Variants in CFAP92 observed in about 807,000 individuals in gnomAD.
CFAP92 encodes cilia and flagella associated protein 92 (putative), also known as uncharacterized protein CFAP92.
CFAP92 carries 86 observed loss-of-function variants against 106.3 expected under a neutral mutation model. The ratio of observed to expected loss-of-function variants is 0.81; its 90% CI spans 0.68 to 0.97. CFAP92 has a LOEUF of 0.97. Among genes scored for constraint, CFAP92 ranks in the 50% least tolerant of loss-of-function variants. CFAP92 has a pLI of 0.00. For synonymous variants in CFAP92, 477 were observed against 506.4 expected, an observed-to-expected ratio of 0.94 and a Z score of 0.78; for missense variants, 1,204 against 1,283.8, an observed-to-expected ratio of 0.94 and a Z score of 0.95.
intron 1 of CFAP92, chr3:129,002,349 G>T (rs900249446): frequency 6.6e-7 from 1 of 1,508,312 alleles, no homozygotes. Context: ...CGAAGGGAGG[G>T]TGGTAACGCC....
chr3:128,959,622 A>G (rs959739402), intron 9 of CFAP92, among the ~76,000 whole-genome samples: 1 of 152,188 alleles, frequency 6.6e-6, no homozygotes, highest in Non-Finnish European at 1.5e-5. Context: ...TTGGTTCACA[A>G]TGAGTGAGCA....
At chr3:128,917,873 TCCC>T (rs1428326344) in intron 12 of CFAP92, among the ~76,000 whole-genome samples, 2 of 151,866 alleles carry the variant, frequency 1.3e-5, no homozygotes, top group African/African-American at 4.8e-5. Flanking sequence ...ATAACAGAAA[TCCC>T]AAAAGGAGGG....
At chr3:128,910,422 G>A (rs929180626) in intron 15 of CFAP92, 89 bp from the exon 16 acceptor site, 10 of 1,314,470 alleles carry the variant, frequency 7.6e-6, no homozygotes, top group Non-Finnish European at 1.0e-5. Context: ...TGCCCGCTGT[G>A]CTGGAGGGAG....
chr3:128,965,118 G>C (rs1245325043), intron 9 of CFAP92, among the ~76,000 whole-genome samples: 1 of 152,036 alleles, frequency 6.6e-6, no homozygotes, highest in Non-Finnish European at 1.5e-5. Context: ...CACCCTAACT[G>C]ATCAATGTAC....
chr3:129,003,850 G>C (rs557333033), upstream of CFAP92: 1 of 1,454,716 alleles, frequency 6.9e-7, no homozygotes, highest in African/African-American at 1.5e-5. Context: ...GCGGGCCGGA[G>C]GCTGCGGTGC....
At chr3:128,992,187 G>C (rs938052770) in intron 2 of CFAP92, among the ~76,000 whole-genome samples, 11 of 152,320 alleles carry the variant, frequency 7.2e-5, no homozygotes, top group African/African-American at 2.6e-4. Context: ...GGGCTTGTTT[G>C]GGTTTGTTGC....
chr3:128,922,396 C>T (rs948869401), intron 12 of CFAP92, among the ~76,000 whole-genome samples: 7 of 152,138 alleles, frequency 4.6e-5, no homozygotes, highest in African/African-American at 1.7e-4. Context: ...TGGTCTTCTT[C>T]CCCAGGAGAA....
In CFAP92 at chr3:128,910,233, T is replaced by C; in HGVS notation, c.*66A>G. 1 of 1,592,182 alleles carries C rather than the reference T, an allele frequency of 6.3e-7. No homozygotes were observed. Among genetic ancestry groups the C allele is most frequent in the South Asian group, 1.1e-5 (1 of 89,110 alleles). On this transcript the variant is annotated 3_prime_UTR_variant, in exon 16 of 16. Transcript: ENST00000645291. ...TAATGAAGTTGATTGTTGAGGAGGG[T>C]GTGGTCGGGTGTGGGGGAGGCTGTG...
chr3:128,973,154 G>A (rs2107784352), intron 7 of CFAP92, among the ~76,000 whole-genome samples: 1 of 152,316 alleles, frequency 6.6e-6, no homozygotes, highest in South Asian at 2.1e-4. Context: ...CAATTATCCA[G>A]ATGTAAACAC....
At chr3:128,962,068 C>G (rs182242871) in intron 9 of CFAP92, among the ~76,000 whole-genome samples, 3,076 of 152,312 alleles carry the variant, frequency 0.02, 116 homozygotes, top group African/African-American at 0.07. Context: ...CGGGACCCCA[C>G]TGGAAATTGG....
chr3:129,005,217 T>C (rs1324871115), upstream of CFAP92, among the ~76,000 whole-genome samples: 4 of 152,178 alleles, frequency 2.6e-5, no homozygotes, highest in Admixed American at 6.5e-5. Flanking sequence ...CAGGAACAGA[T>C]GCGTGGCAGC....
intron 2 of CFAP92, among the ~76,000 whole-genome samples, chr3:128,990,933 T>C (rs1944173790): frequency 6.6e-6 from 1 of 151,764 alleles, no homozygotes; most frequent in Non-Finnish European, 1.5e-5. Flanking sequence ...TAAAGAAACA[T>C]TTATGTACTC....
intron 12 of CFAP92, among the ~76,000 whole-genome samples, 176 bp downstream of exon 12, chr3:128,932,524 G>C (rs890657045): frequency 6.6e-5 from 10 of 152,180 alleles, no homozygotes; most frequent in African/African-American, 2.4e-4. Context: ...TTTCTGACAT[G>C]GCTCAGCCCC....
At chr3:128,990,908 A>T (rs1944171874) in intron 2 of CFAP92, among the ~76,000 whole-genome samples, 1 of 152,192 alleles carries the variant, frequency 6.6e-6, no homozygotes, top group Non-Finnish European at 1.5e-5. Flanking sequence ...AAAATAAATA[A>T]ATAAATAATT....
chr3:128,915,807 GGTAGCTGCCTTGATAAGCAGCAATC>G (rs1228307745), intron 13 of CFAP92: 39 of 496,938 alleles, frequency 7.8e-5, no homozygotes, highest in Middle Eastern at 5.1e-4. Context: ...CCCTTCTGTT[GGTAGCTGCCTTGATAAGCAGCAATC>G]ATAAAGTGTT....
chr3:128,937,738 A>C (rs753572953), intron 10 of CFAP92, among the ~76,000 whole-genome samples: 7 of 152,142 alleles, frequency 4.6e-5, no homozygotes, highest in Non-Finnish European at 1.0e-4. Context: ...GAGTACATGC[A>C]ACCTCTCCAC....
chr3:128,978,136 A>G lies in CFAP92; in HGVS notation c.717T>C (p.Ile239=). The part of the protein sequence containing the change: ...LNQRKLSEQG[I]ENTNIVREES... The stretch of plus-strand genomic sequence containing the variant: ...CTTCTCTGACAATGTTGGTATTCTC[A>G]ATGCCCTGTTCAGATAATTTTCTCT... Residue 239 remains isoleucine, a synonymous_variant, in exon 5 of 16, where the codon ATT becomes ATC. Coordinates refer to ENST00000645291, the MANE Select transcript of CFAP92 (RefSeq NM_001394090.1). 1.2e-6 allele frequency: 2 copies of G among 1,613,534 alleles called. No homozygotes were observed. The highest frequency in any genetic ancestry group is 1.7e-5 in the Admixed American group (1 of 60,010).
intron 9 of CFAP92, among the ~76,000 whole-genome samples, chr3:128,953,297 C>T (rs925224312): frequency 6.6e-6 from 1 of 151,046 alleles, no homozygotes; most frequent in African/African-American, 2.5e-5. Flanking sequence ...GGGTAGATCA[C>T]GAGGTCAGGA....
chr3:128,976,362 A>T (rs1275338627), intron 6 of CFAP92, among the ~76,000 whole-genome samples: 10 of 152,226 alleles, frequency 6.6e-5, no homozygotes. Flanking sequence ...ATATACCATG[A>T]TCATGGATGA....
Sources: allele counts gnomAD v4.1 joint callset (sites outside exome capture counted in the v4.1 genomes callset), GRCh38; gene constraint gnomAD v4.1.1; transcripts MANE v1.5; gene names NCBI Gene and HGNC (gene_info 2026-07-23, HGNC 2026-07-21).